Variants in PTN observed in about 807,000 individuals in gnomAD.
PTN encodes the protein pleiotrophin.
PTN carries 18 observed loss-of-function variants against 24.1 expected under a neutral mutation model. The observed-to-expected ratio is 0.75, with a 90% CI of 0.52 to 1.11. PTN has a LOEUF of 1.11. Ranked by LOEUF, PTN falls within the 50% of genes least tolerant of loss-of-function variation. PTN has a pLI of 0.00. For missense variants in PTN, 163 were observed against 198.8 expected (o/e 0.82, Z 1.08); for synonymous variants, 78 against 68.6 (o/e 1.14, Z -0.67).
intron 4 of PTN, among the ~76,000 whole-genome samples, chr7:137,244,915 G>A (rs1360574998): frequency 6.6e-6 from 1 of 152,050 alleles, no homozygotes; most frequent in African/African-American, 2.4e-5. Context: ...CTGGTGTTTG[G>A]ATAGCAACTC....
chr7:137,248,426 C>T (rs996313556), intron 4 of PTN, among the ~76,000 whole-genome samples: 1 of 152,132 alleles, frequency 6.6e-6, no homozygotes, highest in East Asian at 1.9e-4. Context: ...TGGCTCATGC[C>T]TTTAATCCCA....
chr7:137,272,020 T>C (rs1328491212), intron 1 of PTN, among the ~76,000 whole-genome samples: 1 of 152,224 alleles, frequency 6.6e-6, no homozygotes, highest in Non-Finnish European at 1.5e-5. Flanking sequence ...TCTTTAATTA[T>C]ACAAAGTCAA....
At chr7:137,240,118 T>G (rs962297055) in intron 4 of PTN, among the ~76,000 whole-genome samples, 5 of 152,206 alleles carry the variant, frequency 3.3e-5, no homozygotes, top group African/African-American at 1.2e-4. Context: ...TTCCCATCAC[T>G]CTATCACTTG....
intron 1 of PTN, among the ~76,000 whole-genome samples, chr7:137,278,809 C>T (rs939774655): frequency 1.5e-4 from 22 of 151,602 alleles, no homozygotes; most frequent in Admixed American, 8.6e-4. Flanking sequence ...GGCATGGTGG[C>T]GCACACCTGT....
chr7:137,270,212 A>G (rs912913067), intron 1 of PTN, among the ~76,000 whole-genome samples: 1 of 152,202 alleles, frequency 6.6e-6, no homozygotes, highest in Non-Finnish European at 1.5e-5. Context: ...CATGAAGTAC[A>G]AGGGAAGGGC....
chr7:137,288,062 T>C (rs555498487), intron 1 of PTN, among the ~76,000 whole-genome samples: 3 of 152,292 alleles, frequency 2.0e-5, no homozygotes, highest in African/African-American at 7.2e-5. Flanking sequence ...AAGAGGATAT[T>C]TCCAGGGTTT....
At chr7:137,244,122 T>G (rs1381797437) in intron 4 of PTN, among the ~76,000 whole-genome samples, 1 of 152,164 alleles carries the variant, frequency 6.6e-6, no homozygotes, top group East Asian at 1.9e-4. Flanking sequence ...CTTAAGAAAT[T>G]AAAATCTCAA....
At chr7:137,308,816 T>C (rs1222584084) in intron 1 of PTN, among the ~76,000 whole-genome samples, 1 of 152,156 alleles carries the variant, frequency 6.6e-6, no homozygotes, top group Admixed American at 6.5e-5. Flanking sequence ...AAGATTTGAA[T>C]CAATCAGATA....
intron 1 of PTN, among the ~76,000 whole-genome samples, chr7:137,268,649 G>T (rs1585021892): frequency 6.6e-6 from 1 of 152,182 alleles, no homozygotes; most frequent in Non-Finnish European, 1.5e-5. Flanking sequence ...GATAACAACA[G>T]TTGCCAGGTC....
intron 1 of PTN, among the ~76,000 whole-genome samples, chr7:137,305,221 A>G (rs1809868909): frequency 6.6e-6 from 1 of 152,094 alleles, no homozygotes; most frequent in African/African-American, 2.4e-5. Flanking sequence ...ATAATTCTAT[A>G]GCATTCACCA....
intron 1 of PTN, among the ~76,000 whole-genome samples, chr7:137,336,188 A>G (rs1319439561): frequency 6.6e-6 from 1 of 152,190 alleles, no homozygotes; most frequent in Non-Finnish European, 1.5e-5. Context: ...ATTGACATTT[A>G]CCACCAACCT....
At chr7:137,337,462 T>C (rs1350625151) in intron 1 of PTN, among the ~76,000 whole-genome samples, 3 of 152,106 alleles carry the variant, frequency 2.0e-5, no homozygotes, top group Non-Finnish European at 4.4e-5. Flanking sequence ...TACAAAAATA[T>C]GATGAAAAAA....
At chr7:137,246,713 A>C (rs1192150665) in intron 4 of PTN, among the ~76,000 whole-genome samples, 1 of 152,218 alleles carries the variant, frequency 6.6e-6, no homozygotes, top group Non-Finnish European at 1.5e-5. Context: ...CAAGGTCCCC[A>C]GAAGCTCAAC....
intron 1 of PTN, among the ~76,000 whole-genome samples, chr7:137,269,774 A>G (rs1004951991): frequency 1.3e-5 from 2 of 151,510 alleles, no homozygotes; most frequent in Non-Finnish European, 2.9e-5. Flanking sequence ...TTGGGATTAC[A>G]AATGTGCGCT....
intron 1 of PTN, among the ~76,000 whole-genome samples, chr7:137,293,390 A>G (rs928637002): frequency 1.3e-5 from 2 of 152,150 alleles, no homozygotes; most frequent in African/African-American, 4.8e-5. Flanking sequence ...ACTGAGGAAG[A>G]ATTTAAAAAG....
At chr7:137,280,579 C>T (rs111355467) in intron 1 of PTN, among the ~76,000 whole-genome samples, 12,214 of 150,744 alleles carry the variant, frequency 0.081, 774 homozygotes, top group African/African-American at 0.17. Flanking sequence ...TGGGGCTGTG[C>T]GTGGTGGCTC....
At chr7:137,298,901 C>T (rs1408730494) in intron 1 of PTN, among the ~76,000 whole-genome samples, 3 of 151,938 alleles carry the variant, frequency 2.0e-5, no homozygotes, top group Admixed American at 6.6e-5. Flanking sequence ...TAGCACCAAG[C>T]CGGGGCTAGA....
At chr7:137,315,251 A>T (rs1388776281) in intron 1 of PTN, among the ~76,000 whole-genome samples, 1 of 152,180 alleles carries the variant, frequency 6.6e-6, no homozygotes, top group East Asian at 1.9e-4. Flanking sequence ...ATGCCTTAAG[A>T]GCCCAGATGG....
At position 137,254,850 on chromosome 7, in the gene PTN, A is replaced by T. The variant is rs755383434; in HGVS notation, c.115+9T>A. ...TGAAGCATCTTGCCTTCAGAACCCT[A>T]CTGCTTACCTGGTTTCTCTTTCTTC... On this transcript the variant is annotated intron_variant, in intron 2 of 4. Transcript: ENST00000348225. The T allele has an allele frequency of 8.5e-6, 13 of 1,531,356 alleles. No homozygotes were observed. The African/African-American group carries it at 1.8e-4, about 21-fold the overall frequency. The allele number at this position is 1,531,356 out of a possible 1,614,324, so 94.9% of individuals were successfully genotyped here.
Sources: allele counts gnomAD v4.1 joint callset (sites outside exome capture counted in the v4.1 genomes callset), GRCh38; gene constraint gnomAD v4.1.1; transcripts MANE v1.5; gene names NCBI Gene and HGNC (gene_info 2026-07-23, HGNC 2026-07-21).